Variants in CFAP119 observed in about 807,000 individuals in gnomAD.
The protein encoded by CFAP119 is cilia and flagella associated protein 119, also known as cilia- and flagella-associated protein 119.
the CFAP119 span, chr16:30,760,908 G>C: frequency 1.6e-6 from 1 of 615,444 alleles, no homozygotes; most frequent in African/African-American, 1.8e-5. Flanking sequence ...CCACTACCTT[G>C]TATGACCTTG....
At chr16:30,759,886 A>G in the CFAP119 span, 4 of 1,446,840 alleles carry the variant, frequency 2.8e-6, no homozygotes, top group African/African-American at 1.4e-5. Context: ...AATACCCACT[A>G]TATGCCCACT....
At chr16:30,757,875 A>C in the CFAP119 span, 2 of 1,314,018 alleles carry the variant, frequency 1.5e-6, no homozygotes, top group East Asian at 5.7e-5. Flanking sequence ...ATCCCTACTC[A>C]GTAGCTGTGT....
the CFAP119 span, chr16:30,759,838 GC>G: frequency 6.8e-7 from 1 of 1,481,426 alleles, no homozygotes; most frequent in Non-Finnish European, 8.9e-7. Context: ...CTGGGTTTCA[GC>G]ACTGGCTTGT....
At chr16:30,761,632 G>A in the CFAP119 span, 1 of 1,536,068 alleles carries the variant, frequency 6.5e-7, no homozygotes, top group Admixed American at 2.0e-5. Context: ...GCGTCCGCGC[G>A]GCCGACCCAT....
the CFAP119 span, chr16:30,760,578 CT>C: frequency 6.4e-7 from 1 of 1,566,552 alleles, no homozygotes; most frequent in African/African-American, 1.4e-5. Flanking sequence ...TTGCCAAGAG[CT>C]CTTCCCACGC....
At chr16:30,760,196 T>C in the CFAP119 span, 1 of 1,608,770 alleles carries the variant, frequency 6.2e-7, no homozygotes, top group Non-Finnish European at 8.5e-7. Flanking sequence ...CAGGCAGAAA[T>C]CCCCTGCTTC....
the CFAP119 span, chr16:30,758,337 C>G: frequency 6.5e-6 from 1 of 153,252 alleles, no homozygotes; most frequent in African/African-American, 2.4e-5. Flanking sequence ...TCCCAAAGTG[C>G]TGGGATTACA....
chr16:30,760,790 CTGTG>C, the CFAP119 span: 1 of 839,402 alleles, frequency 1.2e-6, no homozygotes, highest in Non-Finnish European at 2.0e-6. Context: ...TGCCAGCTTG[CTGTG>C]TGACTATGCA....
chr16:30,759,720 G>A, the CFAP119 span: 1 of 1,607,932 alleles, frequency 6.2e-7, no homozygotes. Context: ...TGCCCAAGGG[G>A]GTTGCTGGTA....
At chr16:30,760,150 C>T in the CFAP119 span, 6 of 1,577,130 alleles carry the variant, frequency 3.8e-6, no homozygotes, top group East Asian at 1.2e-4. Context: ...AAGCTGATGG[C>T]TTGTGTATGA....
chr16:30,759,915 AACAAG>A, the CFAP119 span: 1 of 1,441,830 alleles, frequency 6.9e-7, no homozygotes, highest in African/African-American at 1.4e-5. Flanking sequence ...TTCGGCACTG[AACAAG>A]ACAGACAAGG....
At chr16:30,757,799 G>A in the CFAP119 span, 1 of 1,422,972 alleles carries the variant, frequency 7.0e-7, no homozygotes, top group Non-Finnish European at 9.2e-7. Flanking sequence ...GGAAATGTTA[G>A]CAAGCCCTTG....
chr16:30,761,878 G>A, the CFAP119 span: 86 of 895,858 alleles, frequency 9.6e-5, no homozygotes, highest in East Asian at 2.2e-3. Flanking sequence ...CGCGCGGAGA[G>A]GCGCGGCGGG....
At chr16:30,758,549 TTTTGTTTG>T in the CFAP119 span, 7 of 206,358 alleles carry the variant, frequency 3.4e-5, no homozygotes, top group Non-Finnish European at 6.9e-5. Context: ...CAGCTGTGCT[TTTTGTTTG>T]TTTGTTTGTT....
chr16:30,761,668 T>C, the CFAP119 span: 1 of 1,535,860 alleles, frequency 6.5e-7, no homozygotes, highest in Non-Finnish European at 8.7e-7. Context: ...CCTTCCCCGC[T>C]TCCCGCCGCA....
At chr16:30,760,358 C>G in the CFAP119 span, 1 of 1,614,200 alleles carries the variant, frequency 6.2e-7, no homozygotes, top group Non-Finnish European at 8.5e-7. Flanking sequence ...GCCCTGCTGG[C>G]GGCAGAAAAT....
the CFAP119 span, chr16:30,761,474 A>G: frequency 6.5e-7 from 1 of 1,526,928 alleles, no homozygotes; most frequent in Non-Finnish European, 8.8e-7. Flanking sequence ...AGTAAGCATA[A>G]TGACAGGTGG....
chr16:30,759,474 G>A, the CFAP119 span: 131 of 1,614,004 alleles, frequency 8.1e-5, no homozygotes, highest in Middle Eastern at 1.6e-4. Context: ...GTGGTGACTC[G>A]GAATTAGAAC....
At chr16:30,759,896 T>C in the CFAP119 span, 3 of 1,443,686 alleles carry the variant, frequency 2.1e-6, no homozygotes, top group Non-Finnish European at 1.8e-6. Context: ...ATATGCCCAC[T>C]GTATGGTTTT....
Sources: gnomAD v4.1 joint callset for allele counts on GRCh38, gnomAD v4.1.1 for gene constraint, MANE v1.5 for transcripts, NCBI Gene and HGNC (gene_info 2026-07-23, HGNC 2026-07-21) for gene names.